Variants in IL1RAPL1 observed in about 807,000 individuals in gnomAD.
The protein encoded by IL1RAPL1 is interleukin 1 receptor accessory protein like 1, also known as interleukin-1 receptor accessory protein-like 1.
A neutral mutation model predicts 48.4 loss-of-function variants in IL1RAPL1; 3 were observed. The observed-to-expected ratio is 0.06, with a 90% CI of 0.03 to 0.16. IL1RAPL1 has a LOEUF of 0.16. Ranked by LOEUF, IL1RAPL1 falls within the 10% of genes least tolerant of loss-of-function variation. The pLI is 1.00. For synonymous variants in IL1RAPL1, 185 were observed against 187.7 expected (o/e 0.99, Z 0.12); for missense variants, 349 against 530.6 (o/e 0.66, Z 3.36).
chrX:29,952,004 GTATT>G (rs1273868799), intron 9 of IL1RAPL1, among the ~76,000 whole-genome samples: 1 of 111,992 alleles, frequency 8.9e-6, no homozygotes, highest in Non-Finnish European at 1.9e-5. Context: ...CAGAAAGACG[GTATT>G]TATGGGTTGG....
chrX:29,315,387 T>C lies in IL1RAPL1; in HGVS notation c.362+32170T>C, dbSNP rs183285143. Among the ~76,000 whole-genome samples, 24 of 111,828 alleles carry C rather than the reference T, an allele frequency of 2.1e-4. 1 individual carries two copies. In the East Asian group the frequency reaches 6.2e-3, roughly 29 times the overall value. ...GTCCTATCTTACACAGTTTAGTCAT[T>C]CTCAAATATTTTTATACACCAGAAA... On this transcript the variant is annotated intron_variant, in intron 3 of 10. Transcript: ENST00000378993.
At chrX:29,467,569 C>A (rs1170755117) in intron 5 of IL1RAPL1, among the ~76,000 whole-genome samples, 1 of 112,158 alleles carries the variant, frequency 8.9e-6, no homozygotes, top group South Asian at 3.7e-4. Flanking sequence ...CTTTGGGCAC[C>A]GGCAGGAATG....
At chrX:28,600,069 G>A (rs1934004989) in intron 1 of IL1RAPL1, among the ~76,000 whole-genome samples, 1 of 111,621 alleles carries the variant, frequency 9.0e-6, no homozygotes, top group African/African-American at 3.3e-5. Flanking sequence ...GCCACCAACG[G>A]CAGGATGGGT....
At chrX:29,697,976 T>C (rs1176346682) in intron 6 of IL1RAPL1, among the ~76,000 whole-genome samples, 1 of 110,973 alleles carries the variant, frequency 9.0e-6, no homozygotes, top group Non-Finnish European at 1.9e-5. Context: ...TGTCTTTCCA[T>C]TGTACTTGGA....
intron 5 of IL1RAPL1, among the ~76,000 whole-genome samples, chrX:29,602,132 C>T (rs774075771): frequency 0.025 from 2,671 of 108,388 alleles, 156 homozygotes; most frequent in African/African-American, 0.09. Flanking sequence ...TACAGGCATG[C>T]ACCACCACAC....
chrX:29,880,441 G>T (rs768727285), intron 6 of IL1RAPL1, among the ~76,000 whole-genome samples: 6 of 111,735 alleles, frequency 5.4e-5, no homozygotes, highest in African/African-American at 1.9e-4. Context: ...TTTTCATTGA[G>T]AAATCTTTAA....
At chrX:29,801,259 A>G (rs979976309) in intron 6 of IL1RAPL1, among the ~76,000 whole-genome samples, 1 of 110,134 alleles carries the variant, frequency 9.1e-6, no homozygotes, top group East Asian at 2.8e-4. Context: ...AAGTTAGGAT[A>G]GGGACTATTA....
intron 2 of IL1RAPL1, among the ~76,000 whole-genome samples, chrX:29,143,230 A>G (rs1476519930): frequency 9.0e-6 from 1 of 111,347 alleles, no homozygotes; most frequent in African/African-American, 3.3e-5. Context: ...TTCTAAAATT[A>G]TGTAACAAAA....
intron 2 of IL1RAPL1, among the ~76,000 whole-genome samples, chrX:28,890,056 G>A (rs111780319): frequency 1.1e-4 from 12 of 111,318 alleles, no homozygotes; most frequent in Middle Eastern, 9.3e-3. Flanking sequence ...TTTGTTCAGT[G>A]GTTGAGCTTT....
intron 2 of IL1RAPL1, among the ~76,000 whole-genome samples, chrX:29,082,038 A>C (rs1602048456): frequency 8.9e-6 from 1 of 111,837 alleles, no homozygotes; most frequent in East Asian, 2.8e-4. Flanking sequence ...AAACTCCCAA[A>C]TGGAATTTCT....
chrX:29,432,551 T>TTGAGTTC (rs1160569655), intron 5 of IL1RAPL1, among the ~76,000 whole-genome samples: 2 of 111,884 alleles, frequency 1.8e-5, no homozygotes, highest in Non-Finnish European at 1.9e-5. Flanking sequence ...ACTAGTGGAA[T>TTGAGTTC]TGAGTTCTGT....
At position 29,730,661 on chromosome X, in the gene IL1RAPL1, T is replaced by A. The variant is rs913496111; in HGVS notation, c.778+62157T>A. On this transcript the variant is annotated intron_variant, in intron 6 of 10. Coordinates refer to ENST00000378993, the MANE Select transcript of IL1RAPL1 (RefSeq NM_014271.4). ...ATTATAGTCTTCAGGGCCAAGAAAG[T>A]AGTTAGGCCAGCAGTCATGAACACT... 4.5e-5 allele frequency among the ~76,000 whole-genome samples: 5 copies of A among 112,060 alleles called. No individual in the cohort carries two copies. In the Admixed American group the frequency reaches 4.7e-4, roughly 11 times the overall value.
chrX:28,761,761 T>C (rs1252196049), intron 1 of IL1RAPL1, among the ~76,000 whole-genome samples: 1 of 111,605 alleles, frequency 9.0e-6, no homozygotes, highest in Non-Finnish European at 1.9e-5. Flanking sequence ...AATAAATAAG[T>C]AAACTTCGAT....
chrX:28,788,304 GA>G (rs1936494265), intron 1 of IL1RAPL1, among the ~76,000 whole-genome samples: 1 of 99,562 alleles, frequency 1.0e-5, no homozygotes, highest in African/African-American at 4.7e-5. Flanking sequence ...CTGAGACACA[GA>G]AGGATGATTT....
chrX:29,825,797 A>G (rs1409871108), intron 6 of IL1RAPL1, among the ~76,000 whole-genome samples: 1 of 112,000 alleles, frequency 8.9e-6, no homozygotes, highest in African/African-American at 3.2e-5. Context: ...CATGCCATAA[A>G]CTATTATCCT....
chrX:29,008,458 G>A (rs780542638), intron 2 of IL1RAPL1, among the ~76,000 whole-genome samples: 1 of 112,118 alleles, frequency 8.9e-6, no homozygotes, highest in South Asian at 3.7e-4. Flanking sequence ...TTACAGGCGT[G>A]AGCCACCGCG....
intron 5 of IL1RAPL1, among the ~76,000 whole-genome samples, chrX:29,426,510 C>T (rs1246845790): frequency 4.5e-5 from 5 of 111,546 alleles, no homozygotes; most frequent in African/African-American, 1.6e-4. Flanking sequence ...CAATTACTCA[C>T]ATTTTCAAGA....
intron 6 of IL1RAPL1, among the ~76,000 whole-genome samples, chrX:29,704,522 A>G (rs1394271400): frequency 9.1e-6 from 1 of 110,363 alleles, no homozygotes; most frequent in African/African-American, 3.3e-5. Context: ...TACAAGAATT[A>G]GCTGGGCATG....
chrX:29,177,778 G>A (rs1245141367), intron 2 of IL1RAPL1, among the ~76,000 whole-genome samples: 1 of 110,674 alleles, frequency 9.0e-6, no homozygotes, highest in African/African-American at 3.3e-5. Context: ...GGTGTGTGAT[G>A]TTCCCCTCCC....
Sources: gnomAD v4.1 joint callset for allele counts (sites outside exome capture counted in the v4.1 genomes callset) on GRCh38, gnomAD v4.1.1 for gene constraint, MANE v1.5 for transcripts, NCBI Gene and HGNC (gene_info 2026-07-23, HGNC 2026-07-21) for gene names.